Variants in SAXO1 observed in about 807,000 individuals in gnomAD.
SAXO1 encodes the protein stabilizer of axonemal microtubules 1, also known as 4930500O09Rik.
In SAXO1, 21 loss-of-function variants were observed where a neutral mutation model predicts 17.5. The ratio of observed to expected loss-of-function variants is 1.20; its 90% CI spans 0.85 to 1.72. The LOEUF is 1.72. SAXO1 is among the 40% of genes most tolerant of loss of function. The pLI is 0.00. For missense variants in SAXO1, 843 were observed against 596.0 expected, an observed-to-expected ratio of 1.41 and a Z score of -4.32; for synonymous variants, 274 against 216.5, an observed-to-expected ratio of 1.27 and a Z score of -2.33.
chr9:18,938,426 C>A (rs552769181), intron 3 of SAXO1, among the ~76,000 whole-genome samples: 1 of 152,022 alleles, frequency 6.6e-6, no homozygotes, highest in Non-Finnish European at 1.5e-5. Flanking sequence ...GCATCCTACA[C>A]GGCAGGAGCA....
At chr9:19,010,939 A>G (rs1376112827) in intron 1 of SAXO1, among the ~76,000 whole-genome samples, 1 of 152,162 alleles carries the variant, frequency 6.6e-6, no homozygotes, top group Non-Finnish European at 1.5e-5. Flanking sequence ...TACCTGGTAC[A>G]ATCTCTTCAA....
intron 1 of SAXO1, among the ~76,000 whole-genome samples, chr9:19,007,065 T>G (rs1045210244): frequency 2.7e-4 from 38 of 140,648 alleles, no homozygotes; most frequent in Admixed American, 2.2e-3. Context: ...ATAAAAAAAA[T>G]AGACCAGGTG....
At chr9:18,980,030 G>T (rs1289544010) in intron 1 of SAXO1, among the ~76,000 whole-genome samples, 1 of 151,966 alleles carries the variant, frequency 6.6e-6, no homozygotes, top group Non-Finnish European at 1.5e-5. Context: ...ATAACTTTCT[G>T]AAACGGGGTG....
intron 1 of SAXO1, among the ~76,000 whole-genome samples, chr9:19,048,430 C>T (rs1254070818): frequency 2.6e-5 from 4 of 151,888 alleles, no homozygotes; most frequent in African/African-American, 4.8e-5. Context: ...GCACTCCAGC[C>T]TGGGCAACAG....
intron 2 of SAXO1, among the ~76,000 whole-genome samples, chr9:18,948,207 A>G (rs1563936529): frequency 6.6e-6 from 1 of 152,184 alleles, no homozygotes; most frequent in Non-Finnish European, 1.5e-5. Context: ...TGACAGTGGC[A>G]TAATTTTGTT....
intron 1 of SAXO1, among the ~76,000 whole-genome samples, chr9:19,019,747 G>C (rs1331462866): frequency 6.6e-6 from 1 of 151,918 alleles, no homozygotes; most frequent in Non-Finnish European, 1.5e-5. Context: ...AAGAAAGAAA[G>C]AAAAAGTAGT....
chr9:18,935,020 C>T (rs971496579), intron 3 of SAXO1, among the ~76,000 whole-genome samples: 41 of 152,108 alleles, frequency 2.7e-4, no homozygotes, highest in African/African-American at 7.2e-4. Flanking sequence ...TCCGCCTTCC[C>T]GGGTTCAAGC....
In SAXO1 at chr9:19,032,937, C is replaced by T; in HGVS notation, c.-29G>A. On this transcript the variant is annotated 5_prime_UTR_variant, in exon 1 of 4. Coordinates refer to ENST00000380534, the MANE Select transcript of SAXO1 (RefSeq NM_153707.4). Reference sequence around the variant, plus strand: ...GGCGATCCTGAGGCCCTGACGTCCCCTCAGAGCATCGCCAGCTGCAGCCGA... The same window carrying T: ...GGCGATCCTGAGGCCCTGACGTCCCTTCAGAGCATCGCCAGCTGCAGCCGA... The T allele has an allele frequency of 6.3e-7, 1 of 1,599,796 alleles. No homozygotes were observed. The highest frequency in any genetic ancestry group is 1.1e-5 in the South Asian group (1 of 89,062).
Position 18,928,784 on chromosome 9 carries a change from T to G in SAXO1, c.693A>C (p.Glu231Asp). The G allele has an allele frequency of 6.2e-7, 1 of 1,614,088 alleles. No homozygotes were observed. Among genetic ancestry groups the G allele is most frequent in the Non-Finnish European group, 8.5e-7 (1 of 1,180,030 alleles). ...VHEAEKFRPC[E>D]IPFESLTTQK... Reference sequence around the variant, plus strand: ...GAGTGGTAAGGCTTTCAAAGGGGATTTCACAGGGCCTGAACTTCTCTGCTT... The same window carrying G: ...GAGTGGTAAGGCTTTCAAAGGGGATGTCACAGGGCCTGAACTTCTCTGCTT... The change falls in exon 4 of 4, where the codon GAA (glutamate) becomes GAC (aspartate). Residue 231 changes from glutamate (E) to aspartate (D), a missense_variant. By Grantham distance (45) the Glu-to-Asp change is conservative (BLOSUM62 2). Coordinates refer to ENST00000380534, the MANE Select transcript of SAXO1 (RefSeq NM_153707.4).
chr9:19,011,940 G>C (rs1465386955), intron 1 of SAXO1, among the ~76,000 whole-genome samples: 1 of 149,818 alleles, frequency 6.7e-6, no homozygotes. Context: ...CTGCCTCCCA[G>C]GTTCAAGCAA....
chr9:19,023,891 C>G (rs754183699), intron 1 of SAXO1, among the ~76,000 whole-genome samples: 1 of 151,724 alleles, frequency 6.6e-6, no homozygotes, highest in African/African-American at 2.4e-5. Context: ...CTCACACCAG[C>G]ACTTTGGGAG....
intron 1 of SAXO1, among the ~76,000 whole-genome samples, chr9:19,016,632 C>G (rs1163294026): frequency 6.6e-6 from 1 of 151,968 alleles, no homozygotes; most frequent in Non-Finnish European, 1.5e-5. Context: ...CTGCTAAACA[C>G]CCTACAATGC....
intron 1 of SAXO1, among the ~76,000 whole-genome samples, chr9:19,008,463 A>G (rs1834579850): frequency 6.6e-6 from 1 of 152,180 alleles, no homozygotes; most frequent in South Asian, 2.1e-4. Context: ...ACAAATCAAA[A>G]TGGCAATTTC....
chr9:18,954,153 T>C (rs1428276165), intron 1 of SAXO1, among the ~76,000 whole-genome samples: 2 of 152,142 alleles, frequency 1.3e-5, no homozygotes, highest in Non-Finnish European at 2.9e-5. Flanking sequence ...AACTCTCTAG[T>C]CTTTCCACTC....
rs573663989 is a variant in SAXO1, at chr9:18,996,846, G to C, written c.38+36025C>G. On this transcript the variant is annotated intron_variant, in intron 1 of 3. Coordinates refer to ENST00000380534, the MANE Select transcript of SAXO1 (RefSeq NM_153707.4). ...TATTTAAAGCTCTAGCCAGAGAAAT[G>C]AGGCAAGAAAAAAAACATAGTAAAA... Among the ~76,000 whole-genome samples the C allele has an allele frequency of 2.0e-5, 3 of 152,044 alleles. No individual in the cohort carries two copies. In the South Asian group the frequency reaches 6.3e-4, roughly 32 times the overall value.
At chr9:19,029,311 G>A (rs1265301633) in intron 1 of SAXO1, among the ~76,000 whole-genome samples, 1 of 152,182 alleles carries the variant, frequency 6.6e-6, no homozygotes, top group Non-Finnish European at 1.5e-5. Context: ...TGGCAGCCCT[G>A]AGGGTCTCCA....
intron 1 of SAXO1, among the ~76,000 whole-genome samples, chr9:18,979,667 G>C (rs1390635187): frequency 6.6e-6 from 1 of 152,136 alleles, no homozygotes; most frequent in East Asian, 1.9e-4. Context: ...AGAGTGTATG[G>C]GCTGAGAGGA....
At chr9:18,932,646 T>C (rs1831104217) in intron 3 of SAXO1, among the ~76,000 whole-genome samples, 1 of 152,238 alleles carries the variant, frequency 6.6e-6, no homozygotes, top group Admixed American at 6.5e-5. Context: ...CTTAATAGTA[T>C]TGAACCTTCC....
intron 2 of SAXO1, among the ~76,000 whole-genome samples, chr9:18,946,671 A>G (rs992412969): frequency 6.6e-6 from 1 of 152,130 alleles, no homozygotes; most frequent in Non-Finnish European, 1.5e-5. Context: ...AATTATGGAG[A>G]CCAACTCCAA....
Sources: gnomAD v4.1 joint callset for allele counts (sites outside exome capture counted in the v4.1 genomes callset) on GRCh38, gnomAD v4.1.1 for gene constraint, MANE v1.5 for transcripts, NCBI Gene and HGNC (gene_info 2026-07-23, HGNC 2026-07-21) for gene names.